ANKS1B: variants seen among roughly 807,000 people sequenced by gnomAD.
ANKS1B encodes ankyrin repeat and sterile alpha motif domain-containing protein 1B.
In ANKS1B, 36 loss-of-function variants were observed where a neutral mutation model predicts 148.3. The observed-to-expected ratio is 0.24, with a 90% CI of 0.19 to 0.32. The LOEUF (loss-of-function observed/expected upper bound fraction) is 0.32, where lower values mean the gene tolerates loss of function less well. Among genes scored for constraint, ANKS1B ranks in the 10% least tolerant of loss-of-function variants. The pLI, the probability that ANKS1B is intolerant of heterozygous loss-of-function variation, is 1.00. For synonymous variants in ANKS1B, 542 were observed against 560.8 expected (o/e 0.97, Z 0.47); for missense variants, 1,157 against 1,542.6 (o/e 0.75, Z 4.19).
chr12:99,767,235 G>A (rs1202281847), intron 8 of ANKS1B, among the ~76,000 whole-genome samples: 1 of 151,994 alleles, frequency 6.6e-6, no homozygotes, highest in Non-Finnish European at 1.5e-5. Flanking sequence ...AAGAGGCATA[G>A]TTGCTGAACA....
chr12:99,074,418 T>C (rs1325746644), intron 16 of ANKS1B, among the ~76,000 whole-genome samples: 2 of 152,080 alleles, frequency 1.3e-5, no homozygotes, highest in Non-Finnish European at 2.9e-5. Context: ...CACAAAAAAC[T>C]TGGAGCAGAG....
chr12:98,806,060 C>T (rs2099048774), intron 20 of ANKS1B, among the ~76,000 whole-genome samples: 1 of 152,152 alleles, frequency 6.6e-6, no homozygotes, highest in African/African-American at 2.4e-5. Flanking sequence ...TTAGTAGAAA[C>T]AGGGTTTCAC....
At chr12:99,616,428 C>G (rs541811570) in intron 9 of ANKS1B, among the ~76,000 whole-genome samples, 6 of 151,988 alleles carry the variant, frequency 3.9e-5, no homozygotes, top group African/African-American at 1.4e-4. Context: ...GCAGGGTACT[C>G]GTACCAAACC....
chr12:99,670,285 A>G (rs1340890898), intron 8 of ANKS1B, among the ~76,000 whole-genome samples: 6 of 152,032 alleles, frequency 3.9e-5, no homozygotes, highest in African/African-American at 9.7e-5. Context: ...TCTTTCCATC[A>G]TCATGCTTGT....
At chr12:99,037,819 C>T (rs2099956483) in intron 17 of ANKS1B, among the ~76,000 whole-genome samples, 1 of 152,096 alleles carries the variant, frequency 6.6e-6, no homozygotes, top group Non-Finnish European at 1.5e-5. Flanking sequence ...GGCAAGTTGT[C>T]AATCATTATG....
At chr12:99,491,382 C>T (rs750165900) in intron 10 of ANKS1B, among the ~76,000 whole-genome samples, 1 of 151,844 alleles carries the variant, frequency 6.6e-6, no homozygotes, top group Non-Finnish European at 1.5e-5. Flanking sequence ...AATGATATTG[C>T]CTCTTTTTTA....
At chr12:99,481,425 C>A (rs1039480396) in intron 10 of ANKS1B, among the ~76,000 whole-genome samples, 1 of 151,858 alleles carries the variant, frequency 6.6e-6, no homozygotes, top group Non-Finnish European at 1.5e-5. Context: ...ACTACATTTT[C>A]TTTATCCACT....
At chr12:99,210,217 A>C (rs1330710178) in intron 14 of ANKS1B, among the ~76,000 whole-genome samples, 1 of 152,096 alleles carries the variant, frequency 6.6e-6, no homozygotes, top group Non-Finnish European at 1.5e-5. Flanking sequence ...TCTCCAAAAT[A>C]TTTATTCTCC....
At chr12:98,849,390 T>A (rs977049119) in intron 17 of ANKS1B, among the ~76,000 whole-genome samples, 1 of 152,200 alleles carries the variant, frequency 6.6e-6, no homozygotes, top group Non-Finnish European at 1.5e-5. Flanking sequence ...TCCTTAGCTG[T>A]AGTGTCTCTT....
intron 17 of ANKS1B, among the ~76,000 whole-genome samples, chr12:98,905,948 A>G (rs892825165): frequency 6.6e-5 from 10 of 151,932 alleles, no homozygotes; most frequent in Non-Finnish European, 1.5e-4. Context: ...AATTCACTCA[A>G]TCCACGAGAT....
At chr12:99,529,063 T>C (rs1482541823) in intron 9 of ANKS1B, among the ~76,000 whole-genome samples, 1 of 152,214 alleles carries the variant, frequency 6.6e-6, no homozygotes, top group African/African-American at 2.4e-5. Context: ...TGTAGAAATT[T>C]GCATACCCCA....
At chr12:99,553,746 C>A (rs2097248003) in intron 9 of ANKS1B, among the ~76,000 whole-genome samples, 2 of 152,172 alleles carry the variant, frequency 1.3e-5, no homozygotes, top group Non-Finnish European at 2.9e-5. Context: ...TTGCTAAAGG[C>A]ACCTTGATTT....
At chr12:99,387,508 C>T (rs749974832) in intron 12 of ANKS1B, among the ~76,000 whole-genome samples, 10 of 151,804 alleles carry the variant, frequency 6.6e-5, no homozygotes, top group Non-Finnish European at 1.3e-4. Context: ...CCCAGCTACT[C>T]GGGAGGCTGA....
At chr12:99,027,671 G>T (rs1328906318) in intron 17 of ANKS1B, among the ~76,000 whole-genome samples, 2 of 152,238 alleles carry the variant, frequency 1.3e-5, no homozygotes, top group Non-Finnish European at 2.9e-5. Flanking sequence ...GCCAGACTGA[G>T]TCTGTGGCCC....
intron 15 of ANKS1B, among the ~76,000 whole-genome samples, chr12:99,111,411 C>T (rs1566146008): frequency 6.6e-6 from 1 of 152,126 alleles, no homozygotes; most frequent in Non-Finnish European, 1.5e-5. Context: ...TTGTTAGTGT[C>T]CTCATAGCTT....
chr12:99,078,791 C>A (rs2048697346), intron 16 of ANKS1B, among the ~76,000 whole-genome samples: 1 of 151,106 alleles, frequency 6.6e-6, no homozygotes, highest in Non-Finnish European at 1.5e-5. Flanking sequence ...GGTATTCACG[C>A]CCTTGTGTAA....
intron 2 of ANKS1B, among the ~76,000 whole-genome samples, chr12:99,823,489 A>G (rs1277705226): frequency 6.6e-6 from 1 of 152,072 alleles, no homozygotes; most frequent in Non-Finnish European, 1.5e-5. Context: ...TAATTTTAGT[A>G]GAGACAGGGT....
chr12:99,740,207 A>G (rs2059961850), intron 8 of ANKS1B, among the ~76,000 whole-genome samples: 1 of 152,082 alleles, frequency 6.6e-6, no homozygotes, highest in Non-Finnish European at 1.5e-5. Flanking sequence ...GCTACTTGGG[A>G]AGCTGAGGGG....
At chr12:99,446,468 C>G (rs950363713) in intron 10 of ANKS1B, among the ~76,000 whole-genome samples, 4 of 151,996 alleles carry the variant, frequency 2.6e-5, no homozygotes, top group African/African-American at 7.2e-5. Flanking sequence ...TCATTTAATA[C>G]CCAAATTAAC....
Sources: allele counts gnomAD v4.1 joint callset (sites outside exome capture counted in the v4.1 genomes callset), GRCh38; gene constraint gnomAD v4.1.1; transcripts MANE v1.5; gene names NCBI Gene and HGNC (gene_info 2026-07-23, HGNC 2026-07-21).